FAM3D: variants seen among roughly 807,000 people sequenced by gnomAD.
FAM3D encodes protein FAM3D.
A neutral mutation model predicts 29.8 loss-of-function variants in FAM3D; 26 were observed. The ratio of observed to expected loss-of-function variants is 0.87; its 90% CI spans 0.64 to 1.21. FAM3D has a LOEUF of 1.21. Among genes scored for constraint, FAM3D ranks in the 50% most tolerant of loss-of-function variants. FAM3D has a pLI of 0.00. For missense variants in FAM3D, 253 were observed against 290.9 expected (o/e 0.87, Z 0.95); for synonymous variants, 115 against 102.3 (o/e 1.12, Z -0.75).
At chr3:58,660,165 T>C (rs2066904500) in intron 1 of FAM3D, among the ~76,000 whole-genome samples, 1 of 152,030 alleles carries the variant, frequency 6.6e-6, no homozygotes, top group Non-Finnish European at 1.5e-5. Context: ...ACAAAGAGAA[T>C]GAAAAAGAAA....
In FAM3D at chr3:58,645,934, G is replaced by C. The variant is rs150851351; in HGVS notation, c.146-308C>G. Reference sequence around the variant, plus strand: ...CAGAGTAAACCTGAGTCACTATGACGAAGGGACTCTCCTGAGAACCTCTCG... The same window carrying C: ...CAGAGTAAACCTGAGTCACTATGACCAAGGGACTCTCCTGAGAACCTCTCG... On this transcript the variant is annotated intron_variant, in intron 4 of 9. Transcript: ENST00000358781. Among the ~76,000 whole-genome samples, 732 of 152,306 alleles carry C rather than the reference G, an allele frequency of 4.8e-3. 4 individuals carry two copies. Among genetic ancestry groups the C allele is most frequent in the Middle Eastern group, 0.014 (4 of 294 alleles).
Position 58,645,501 on chromosome 3 carries a change from G to T in FAM3D, c.263+8C>A. ...TAAAATAAACATAGTTGTGTCTTAGGTACTTACATGCGGTCTTCAAAGCAC... is the reference window on the plus strand; with the variant it reads ...TAAAATAAACATAGTTGTGTCTTAGTTACTTACATGCGGTCTTCAAAGCAC... On this transcript the variant is annotated splice_region_variant and intron_variant, in intron 5 of 9. Transcript: ENST00000358781. The T allele has an allele frequency of 6.3e-7, 1 of 1,586,918 alleles. No homozygotes were observed. Among genetic ancestry groups the T allele is most frequent in the Non-Finnish European group, 8.6e-7 (1 of 1,159,064 alleles).
At chr3:58,645,311 T>C (rs1435608639) in intron 5 of FAM3D, among the ~76,000 whole-genome samples, 198 bp downstream of exon 5, 1 of 152,172 alleles carries the variant, frequency 6.6e-6, no homozygotes, top group African/African-American at 2.4e-5. Context: ...TGAGAGATGC[T>C]GTGAAGCACC....
intron 3 of FAM3D, among the ~76,000 whole-genome samples, chr3:58,650,868 C>T (rs1412919973): frequency 1.3e-5 from 2 of 152,188 alleles, no homozygotes; most frequent in Non-Finnish European, 2.9e-5. Flanking sequence ...CAGGCGCCCG[C>T]CACCACGCCC....
intron 2 of FAM3D, among the ~76,000 whole-genome samples, 196 bp downstream of exon 2, chr3:58,655,353 CTG>C (rs1179210266): frequency 1.3e-5 from 2 of 152,180 alleles, no homozygotes; most frequent in Non-Finnish European, 2.9e-5. Flanking sequence ...TGTGGGGCCT[CTG>C]TGCAAAAGTT....
chr3:58,657,235 G>A (rs984170973), intron 1 of FAM3D, among the ~76,000 whole-genome samples: 3 of 152,012 alleles, frequency 2.0e-5, no homozygotes, highest in East Asian at 1.9e-4. Context: ...GTCGGTGGCC[G>A]GACAGGATGG....
intron 2 of FAM3D, among the ~76,000 whole-genome samples, chr3:58,654,848 A>G (rs532388911): frequency 1.3e-5 from 2 of 152,306 alleles, no homozygotes; most frequent in South Asian, 4.1e-4. Context: ...AGGCACCCAG[A>G]ATTCCTCTTG....
intron 6 of FAM3D, 80 bp from the exon 7 acceptor site, chr3:58,640,257 T>A: frequency 6.9e-7 from 1 of 1,443,856 alleles, no homozygotes; most frequent in Non-Finnish European, 9.8e-7. Context: ...GCCTAATCTG[T>A]AGTCTAAGAT....
At chr3:58,662,561 G>T (rs997394041) in intron 1 of FAM3D, among the ~76,000 whole-genome samples, 1 of 152,218 alleles carries the variant, frequency 6.6e-6, no homozygotes, top group Non-Finnish European at 1.5e-5. Context: ...AGTGAGGAAA[G>T]AGCTTTAGAG....
intron 1 of FAM3D, among the ~76,000 whole-genome samples, chr3:58,664,840 C>G (rs1333448971): frequency 6.6e-6 from 1 of 152,216 alleles, no homozygotes; most frequent in Non-Finnish European, 1.5e-5. Flanking sequence ...CACCTGCCCT[C>G]TGGGACTGCA....
At chr3:58,641,039 T>C (rs538377797) in intron 6 of FAM3D, among the ~76,000 whole-genome samples, 1 of 152,150 alleles carries the variant, frequency 6.6e-6, no homozygotes, top group African/African-American at 2.4e-5. Flanking sequence ...TTGGAGAGTG[T>C]TGGGGGTGGG....
chr3:58,644,426 C>G (rs1211395239), intron 5 of FAM3D, among the ~76,000 whole-genome samples: 1 of 152,240 alleles, frequency 6.6e-6, no homozygotes, highest in African/African-American at 2.4e-5. Flanking sequence ...AGCTCTTTCT[C>G]TGCCTGCTGC....
At chr3:58,654,168 C>T (rs1294902564) in intron 2 of FAM3D, among the ~76,000 whole-genome samples, 1 of 152,194 alleles carries the variant, frequency 6.6e-6, no homozygotes, top group African/African-American at 2.4e-5. Context: ...GGAGGGGAGC[C>T]CTGGAAAGGG....
intron 5 of FAM3D, 69 bp downstream of exon 5, chr3:58,645,440 T>A (rs1417514141): frequency 7.8e-7 from 1 of 1,275,504 alleles, no homozygotes; most frequent in Admixed American, 2.7e-5. Flanking sequence ...AGCCTCTGAG[T>A]TTTTTAATGA....
intron 4 of FAM3D, among the ~76,000 whole-genome samples, chr3:58,647,527 C>T (rs766643776): frequency 1.5e-4 from 23 of 152,256 alleles, no homozygotes; most frequent in Non-Finnish European, 2.9e-5. Context: ...CTGGGGACCA[C>T]TTCTGGTGTT....
chr3:58,662,044 A>C (rs2066941556), intron 1 of FAM3D, among the ~76,000 whole-genome samples: 2 of 152,334 alleles, frequency 1.3e-5, no homozygotes, highest in South Asian at 4.1e-4. Flanking sequence ...GGACATCTGC[A>C]GGTCCATTAG....
intron 7 of FAM3D, among the ~76,000 whole-genome samples, chr3:58,637,597 T>A (rs778296201): frequency 1.3e-5 from 2 of 152,166 alleles, no homozygotes; most frequent in Non-Finnish European, 2.9e-5. Flanking sequence ...GCCCTTTGCA[T>A]ACCCCAGACC....
At chr3:58,636,457 G>A in intron 8 of FAM3D, 37 bp from the exon 9 acceptor site, 4 of 1,610,190 alleles carry the variant, frequency 2.5e-6, no homozygotes, top group South Asian at 1.1e-5. Flanking sequence ...GGATGCGGGG[G>A]TGGGTCGCAG....
intron 1 of FAM3D, among the ~76,000 whole-genome samples, chr3:58,665,923 ACTCT>A (rs985521034): frequency 1.3e-5 from 2 of 151,900 alleles, no homozygotes; most frequent in Admixed American, 6.6e-5. Context: ...GGATATTCAG[ACTCT>A]CTCTCCCATT....
Sources: gnomAD v4.1 joint callset for allele counts (sites outside exome capture counted in the v4.1 genomes callset) on GRCh38, gnomAD v4.1.1 for gene constraint, MANE v1.5 for transcripts, NCBI Gene and HGNC (gene_info 2026-07-23, HGNC 2026-07-21) for gene names.